CFAP300: variants seen among roughly 807,000 people sequenced by gnomAD.
CFAP300 encodes cilia- and flagella-associated protein 300.
CFAP300 carries 32 observed loss-of-function variants against 33.0 expected under a neutral mutation model. The ratio of observed to expected loss-of-function variants is 0.97; its 90% CI spans 0.73 to 1.30. The LOEUF (loss-of-function observed/expected upper bound fraction) is 1.30. Among genes scored for constraint, CFAP300 ranks in the 50% most tolerant of loss-of-function variants. The pLI, the probability that CFAP300 is intolerant of heterozygous loss-of-function variation, is 0.00. For missense variants in CFAP300, 356 were observed against 318.1 expected (o/e 1.12, Z -0.90); for synonymous variants, 102 against 106.8 (o/e 0.95, Z 0.28).
intron 4 of CFAP300, among the ~76,000 whole-genome samples, chr11:102,067,778 G>A (rs1942250884): frequency 6.6e-6 from 1 of 152,132 alleles, no homozygotes; most frequent in African/African-American, 2.4e-5. Flanking sequence ...GCAGTGGAGC[G>A]CACCTGTGGT....
At chr11:102,057,076 G>A (rs1942071683) in intron 2 of CFAP300, among the ~76,000 whole-genome samples, 2 of 151,762 alleles carry the variant, frequency 1.3e-5, no homozygotes, top group Admixed American at 1.3e-4. Context: ...GGTGACTCAC[G>A]CCTGTAATCC....
chr11:102,065,795 C>A (rs576447729), intron 3 of CFAP300, among the ~76,000 whole-genome samples: 1 of 151,850 alleles, frequency 6.6e-6, no homozygotes, highest in Non-Finnish European at 1.5e-5. Flanking sequence ...AGTTATAAAG[C>A]ATTAAGCATA....
intron 3 of CFAP300, among the ~76,000 whole-genome samples, chr11:102,059,281 A>ATGTGTGTGTGTG (rs55657614): frequency 5.4e-5 from 8 of 148,556 alleles, no homozygotes; most frequent in African/African-American, 7.4e-5. Flanking sequence ...ATATGTTAAA[A>ATGTGTGTGTGTG]TGTGTGTGTG....
intron 2 of CFAP300, among the ~76,000 whole-genome samples, chr11:102,054,227 T>C (rs1452020568): frequency 6.6e-6 from 1 of 152,244 alleles, no homozygotes; most frequent in Non-Finnish European, 1.5e-5. Flanking sequence ...GAACATTTTT[T>C]CCCAATGCCG....
At chr11:102,054,233 T>C (rs1410860166) in intron 2 of CFAP300, among the ~76,000 whole-genome samples, 1 of 152,218 alleles carries the variant, frequency 6.6e-6, no homozygotes, top group Non-Finnish European at 1.5e-5. Flanking sequence ...TTTTTCCCAA[T>C]GCCGTTAGAT....
intron 2 of CFAP300, among the ~76,000 whole-genome samples, chr11:102,055,135 C>T (rs911252088): frequency 1.3e-5 from 2 of 151,614 alleles, no homozygotes; most frequent in African/African-American, 4.8e-5. Context: ...CACGTGCCAC[C>T]ACGCCCAGCT....
At position 102,047,485 on chromosome 11, in the gene CFAP300, G is replaced by A. The variant is rs1046477484; in HGVS notation, c.15G>A (p.Glu5=). 7 of 1,535,862 alleles carry A rather than the reference G, an allele frequency of 4.6e-6. No individual in the cohort carries two copies. The Admixed American group carries it at 9.8e-5, about 22-fold the overall frequency. Residue 5 remains glutamate, a synonymous_variant, in exon 1 of 7, where the codon GAG becomes GAA. Transcript: ENST00000434758. MATG[E]LGDLGGYYFR... The stretch of plus-strand genomic sequence containing the variant: ...CCGAGAGCACGATGGCTACTGGGGA[G>A]CTCGGGGACTTGGGTGGCTACTACT...
chr11:102,065,164 T>C (rs1405474533), intron 3 of CFAP300, among the ~76,000 whole-genome samples: 1 of 152,122 alleles, frequency 6.6e-6, no homozygotes, highest in Non-Finnish European at 1.5e-5. Context: ...TGGAGTGCAG[T>C]GGCGTCATCT....
At chr11:102,075,588 A>G (rs1480730353) in intron 4 of CFAP300, among the ~76,000 whole-genome samples, 5 of 152,230 alleles carry the variant, frequency 3.3e-5, no homozygotes, top group Non-Finnish European at 5.9e-5. Flanking sequence ...ACATAACACT[A>G]AAACAATTAC....
At chr11:102,073,281 C>T (rs1482020268) in intron 4 of CFAP300, among the ~76,000 whole-genome samples, 4 of 152,174 alleles carry the variant, frequency 2.6e-5, no homozygotes, top group African/African-American at 9.7e-5. Context: ...ATGTGCTAGG[C>T]AGGCCAATCC....
intron 4 of CFAP300, among the ~76,000 whole-genome samples, chr11:102,066,909 T>A (rs973526658): frequency 2.0e-5 from 3 of 152,326 alleles, no homozygotes; most frequent in Non-Finnish European, 4.4e-5. Flanking sequence ...CTGCGAAACG[T>A]CATATAACTC....
intron 2 of CFAP300, among the ~76,000 whole-genome samples, chr11:102,050,927 T>G (rs1941960126): frequency 6.6e-6 from 1 of 151,786 alleles, no homozygotes; most frequent in African/African-American, 2.4e-5. Flanking sequence ...GTGTGGAGGG[T>G]GGGTTGTTAG....
At chr11:102,074,912 G>C (rs1942374394) in intron 4 of CFAP300, among the ~76,000 whole-genome samples, 4 of 152,062 alleles carry the variant, frequency 2.6e-5, no homozygotes, top group Middle Eastern at 6.8e-3. Context: ...TCACTGTGTT[G>C]CTCAGGCTGG....
At chr11:102,059,775 C>T (rs1342495641) in intron 3 of CFAP300, among the ~76,000 whole-genome samples, 2 of 150,868 alleles carry the variant, frequency 1.3e-5, no homozygotes, top group East Asian at 1.9e-4. Context: ...TACATGGGTA[C>T]ATGGATTTCT....
chr11:102,075,690 G>T (rs561960029), intron 4 of CFAP300, among the ~76,000 whole-genome samples, 183 bp from the exon 5 acceptor site: 1 of 152,300 alleles, frequency 6.6e-6, no homozygotes, highest in East Asian at 1.9e-4. Context: ...TTCATTGAAT[G>T]TCAGTTCCTA....
rs149509408 is a variant in CFAP300, at chr11:102,047,894, A to T, written c.190A>T (p.Met64Leu). ...GTCCTATCGGAAGGATGATTTCGTT[A>T]TGGTTAGTATGGGGGTCGGAGAGTT... The part of the protein sequence containing the change: ...FQSYRKDDFV[M>L]AFFKDPNVIP... Residue 64 changes from methionine (M) to leucine (L), a missense_variant and splice_region_variant, in exon 2 of 7, where the codon ATG becomes TTG. By Grantham distance (15) the Met-to-Leu change is conservative. Transcript: ENST00000434758. 1.9e-6 allele frequency: 3 copies of T among 1,613,904 alleles called. No homozygotes were observed. The African/African-American group carries it at 4.0e-5, about 22-fold the overall frequency.
chr11:102,083,084 T>G lies in CFAP300; in HGVS notation c.689T>G (p.Met230Arg). 6.8e-7 allele frequency: 1 copy of G among 1,460,562 alleles called. No individual in the cohort carries two copies. Among genetic ancestry groups the G allele is most frequent in the Non-Finnish European group, 9.1e-7 (1 of 1,102,282 alleles). 90.5% of individuals were successfully genotyped at this position (1,460,562 alleles called of 1,614,324 possible). ...FKVSAYDSAG[M>R]CYPSAKNHEQ... ...TGTCTTTTTCAGGATTCTGCTGGTA[T>G]GTGCTATCCTTCAGCAAAGAATCAT... The change falls in exon 7 of 7, where the codon ATG (methionine) becomes AGG (arginine). Residue 230 changes from methionine to arginine, a missense_variant. Transcript: ENST00000434758.
intron 4 of CFAP300, among the ~76,000 whole-genome samples, chr11:102,074,022 T>TTGAGA (rs1942358898): frequency 2.0e-5 from 3 of 152,088 alleles, no homozygotes; most frequent in African/African-American, 7.2e-5. Flanking sequence ...AAGGGCAGCC[T>TTGAGA]CCTCAGTGTA....
intron 4 of CFAP300, among the ~76,000 whole-genome samples, chr11:102,074,420 A>G (rs1241024362): frequency 6.6e-6 from 1 of 151,778 alleles, no homozygotes; most frequent in Non-Finnish European, 1.5e-5. Flanking sequence ...GCCTCTCCAG[A>G]CTCCCAGCCA....
Sources: allele counts gnomAD v4.1 joint callset (sites outside exome capture counted in the v4.1 genomes callset), GRCh38; gene constraint gnomAD v4.1.1; transcripts MANE v1.5; gene names NCBI Gene and HGNC (gene_info 2026-07-23, HGNC 2026-07-21).